DOP1B: variants seen among roughly 807,000 people sequenced by gnomAD.
DOP1B encodes the protein protein DOP1B.
In DOP1B, 174 loss-of-function variants were observed where a neutral mutation model predicts 233.5. That is an observed-to-expected ratio of 0.75 (90% CI 0.66 to 0.85). The LOEUF is 0.85. Ranked by LOEUF, DOP1B falls within the 40% of genes least tolerant of loss-of-function variation. The pLI is 0.00. For missense variants in DOP1B, 2,652 were observed against 2,846.6 expected (o/e 0.93, Z 1.56); for synonymous variants, 1,190 against 1,185.6 (o/e 1.00, Z -0.08).
intron 24 of DOP1B, chr21:36,260,953 A>G: frequency 1.5e-6 from 2 of 1,317,366 alleles, no homozygotes; most frequent in Non-Finnish European, 1.9e-6. Context: ...TGAACACTTT[A>G]TATGAGCGAA....
chr21:36,201,345 C>CTTTTTTTTTTTTGTTTTTTTTTTT (rs2066363912), intron 4 of DOP1B, among the ~76,000 whole-genome samples: 1 of 83,290 alleles, frequency 1.2e-5, no homozygotes, highest in Non-Finnish European at 2.2e-5. Context: ...CTATTGGATT[C>CTTTTTTTTTTTTGTTTTTTTTTTT]TTTTTTTTTT....
At chr21:36,293,058 T>G (rs1269430756) in intron 36 of DOP1B, among the ~76,000 whole-genome samples, 4 of 151,990 alleles carry the variant, frequency 2.6e-5, no homozygotes, top group Non-Finnish European at 5.9e-5. Context: ...ATACAAAAAT[T>G]AGCTGGTCAT....
intron 2 of DOP1B, among the ~76,000 whole-genome samples, chr21:36,167,292 C>A (rs2123395730): frequency 6.6e-6 from 1 of 152,284 alleles, no homozygotes; most frequent in East Asian, 1.9e-4. Context: ...CCTGCCACAG[C>A]CTCCTGAGTA....
intron 29 of DOP1B, 39 bp downstream of exon 29, chr21:36,278,123 G>GA: frequency 6.2e-7 from 1 of 1,613,264 alleles, no homozygotes; most frequent in South Asian, 1.1e-5. Flanking sequence ...CCCATATGCA[G>GA]AAAAATATGT....
At position 36,247,580 on chromosome 21, in the gene DOP1B, G is replaced by T. The variant is rs370172446; in HGVS notation, c.4761G>T (p.Thr1587=). Residue 1587 remains threonine, a synonymous_variant, in exon 20 of 37, where the codon ACG becomes ACT. Coordinates refer to ENST00000691173, the MANE Select transcript of DOP1B (RefSeq NM_001320714.2). ...CACTCACCCTTCTAGAAGGTCTAAC[G>T]ACCATTAGTCATTTTTGTCTTTTGG... ...DYPLTLLEGL[T]TISHFCLLEQ... 12 of 1,609,302 alleles carry T rather than the reference G, an allele frequency of 7.5e-6. No homozygotes were observed. The highest frequency in any genetic ancestry group is 2.7e-5 in the African/African-American group (2 of 74,610).
chr21:36,266,726 C>T (rs1601465286), intron 26 of DOP1B, among the ~76,000 whole-genome samples: 1 of 152,192 alleles, frequency 6.6e-6, no homozygotes, highest in Admixed American at 6.5e-5. Flanking sequence ...TCTCCCCTTC[C>T]TGGAGGTTGG....
At chr21:36,240,408 A>G (rs1214074810) in intron 18 of DOP1B, among the ~76,000 whole-genome samples, 1 of 152,196 alleles carries the variant, frequency 6.6e-6, no homozygotes, top group East Asian at 1.9e-4. Flanking sequence ...TGAACCCGGG[A>G]GGTAGAGATT....
chr21:36,198,103 G>A (rs2066313999), intron 2 of DOP1B, among the ~76,000 whole-genome samples: 1 of 151,768 alleles, frequency 6.6e-6, no homozygotes, highest in African/African-American at 2.4e-5. Flanking sequence ...TACTTATGCA[G>A]ATCATTCCCT....
At position 36,261,723 on chromosome 21, in the gene DOP1B, C is replaced by T. The variant is rs147439869; in HGVS notation, c.5315+991C>T. The T allele has an allele frequency of 3.4e-3, 2,965 of 867,948 alleles. 53 individuals carry two copies. In the African/African-American group the frequency reaches 0.047, roughly 14 times the overall value. The allele number at this position is 867,948 out of a possible 1,614,324, so 53.8% of individuals were successfully genotyped here. A position where few individuals can be genotyped will look rare whatever the true frequency, so the allele number is the denominator to read the frequency against. The stretch of plus-strand genomic sequence containing the variant: ...AGGAGTTTGAGACCAGCCTGGCCAA[C>T]GTGGTAAAACCCTATGTCTACTAAA... On this transcript the variant is annotated intron_variant, in intron 24 of 36. Transcript: ENST00000691173.
At chr21:36,259,913 G>A (rs1383803590) in intron 23 of DOP1B, among the ~76,000 whole-genome samples, 1 of 152,130 alleles carries the variant, frequency 6.6e-6, no homozygotes, top group African/African-American at 2.4e-5. Flanking sequence ...CAAGGAGGGG[G>A]TAAAATATGT....
rs370007317 is a variant in DOP1B at position 36,239,999 on chromosome 21, G to C, written c.3067+44G>C. ...ACCCGAGGGTGAGGGAGGAATGGGT[G>C]GGGGGACTGGACCTCAGCAGTGATA... On this transcript the variant is annotated intron_variant, in intron 18 of 36. Transcript: ENST00000691173. 117 of 1,560,570 alleles carry C rather than the reference G, an allele frequency of 7.5e-5. No individual in the cohort carries two copies. In the African/African-American group the frequency reaches 1.3e-3, roughly 18 times the overall value.
intron 18 of DOP1B, among the ~76,000 whole-genome samples, 159 bp from the exon 19 acceptor site, chr21:36,244,889 T>C (rs2066936602): frequency 6.6e-6 from 1 of 152,226 alleles, no homozygotes; most frequent in Non-Finnish European, 1.5e-5. Flanking sequence ...TTGTCTACTT[T>C]TGTCTGTAAT....
chr21:36,269,664 C>G (rs533417788), intron 26 of DOP1B, among the ~76,000 whole-genome samples: 1 of 151,962 alleles, frequency 6.6e-6, no homozygotes, highest in Non-Finnish European at 1.5e-5. Context: ...GGACTACAGG[C>G]ATGTGCCATC....
chr21:36,266,969 A>C (rs2067237640), intron 26 of DOP1B, among the ~76,000 whole-genome samples: 1 of 152,116 alleles, frequency 6.6e-6, no homozygotes, highest in Admixed American at 6.6e-5. Context: ...GCCCTGCCTA[A>C]GTTAGCCAAT....
rs776044800 is a variant in DOP1B, at chr21:36,211,566, G to A, written c.695G>A (p.Arg232His). 5.4e-5 allele frequency: 87 copies of A among 1,614,064 alleles called. No homozygotes were observed. The highest frequency in any genetic ancestry group is 1.0e-4 in the Admixed American group (6 of 59,990). The stretch of plus-strand genomic sequence containing the variant: ...GATCGTTTACAGGTGAAGTCTTTGC[G>A]TGCCTCCCTGTTGGACTCAAATGTT... Reference protein sequence around the residue: ...TNHQLTVKSLRASLLDSNVLV... With the variant: ...TNHQLTVKSLHASLLDSNVLV... Residue 232 changes from arginine to histidine, a missense_variant, in exon 6 of 37, where the codon CGT becomes CAT. Around this residue, in one of 3 missense-constraint regions of DOP1B, gnomAD observed 2,617 missense variants for 2,794.3 expected, o/e 0.94. Coordinates refer to ENST00000691173, the MANE Select transcript of DOP1B (RefSeq NM_001320714.2).
intron 2 of DOP1B, among the ~76,000 whole-genome samples, chr21:36,185,992 C>G (rs1405477350): frequency 6.6e-6 from 1 of 152,182 alleles, no homozygotes; most frequent in Admixed American, 6.5e-5. Flanking sequence ...CACTTGAGGT[C>G]AGGAGTTTGA....
chr21:36,287,912 G>T, intron 32 of DOP1B, 102 bp from the exon 33 acceptor site: 1 of 1,420,342 alleles, frequency 7.0e-7, no homozygotes, highest in South Asian at 1.4e-5. Context: ...ACACTGGGTT[G>T]TTACTAGAAT....
chr21:36,169,288 C>T lies in DOP1B; in HGVS notation c.138+4417C>T, dbSNP rs151016802. 378 of 802,480 alleles carry T rather than the reference C, an allele frequency of 4.7e-4. 2 individuals carry two copies. The African/African-American group carries it at 5.2e-3, about 11-fold the overall frequency. The allele number at this position is 802,480 out of a possible 1,614,324, so 49.7% of individuals were successfully genotyped here. A position where few individuals can be genotyped will look rare whatever the true frequency, so the allele number is the denominator to read the frequency against. On this transcript the variant is annotated intron_variant, in intron 2 of 36. Coordinates refer to ENST00000691173, the MANE Select transcript of DOP1B (RefSeq NM_001320714.2). ...AGTCCGTGGAGGCATTGTTCTTGATCGGTTTGCTGTCCTCAGTAAGGTAGC... is the reference window on the plus strand; with the variant it reads ...AGTCCGTGGAGGCATTGTTCTTGATTGGTTTGCTGTCCTCAGTAAGGTAGC...
chr21:36,249,973 C>G (rs2067014249), intron 21 of DOP1B, among the ~76,000 whole-genome samples: 1 of 152,080 alleles, frequency 6.6e-6, no homozygotes, highest in Non-Finnish European at 1.5e-5. Context: ...TTTTCTAAAC[C>G]TTTTTTAGGG....
Sources: allele counts gnomAD v4.1 joint callset (sites outside exome capture counted in the v4.1 genomes callset), GRCh38; gene constraint gnomAD v4.1.1; regional missense constraint gnomAD v4.1.1; transcripts MANE v1.5; gene names NCBI Gene and HGNC (gene_info 2026-07-23, HGNC 2026-07-21).